ZNF425: variants seen among roughly 807,000 people sequenced by gnomAD.
ZNF425 encodes zinc finger protein 425.
ZNF425 carries 21 observed loss-of-function variants against 17.0 expected under a neutral mutation model. That is an observed-to-expected ratio of 1.23 (90% CI 0.88 to 1.78). ZNF425 has a LOEUF of 1.78. Ranked by LOEUF, ZNF425 falls within the 40% of genes most tolerant of loss-of-function variation. ZNF425 has a pLI of 0.00. For missense variants in ZNF425, 868 were observed against 967.3 expected (o/e 0.90, Z 1.36); for synonymous variants, 433 against 384.1 (o/e 1.13, Z -1.49).
At chr7:149,114,511 C>T (rs1243999804) in intron 2 of ZNF425, among the ~76,000 whole-genome samples, 1 of 151,802 alleles carries the variant, frequency 6.6e-6, no homozygotes, top group Non-Finnish European at 1.5e-5. Context: ...AATTCTCCTG[C>T]CTCAGCCTCC....
chr7:149,119,904 G>A (rs1447598714), intron 1 of ZNF425, among the ~76,000 whole-genome samples: 3 of 152,164 alleles, frequency 2.0e-5, no homozygotes, highest in African/African-American at 7.2e-5. Flanking sequence ...ACAAGAAGAT[G>A]TGCACGGGGT....
At chr7:149,107,818 A>T (rs1015004230) in intron 3 of ZNF425, among the ~76,000 whole-genome samples, 4 of 150,386 alleles carry the variant, frequency 2.7e-5, no homozygotes, top group Non-Finnish European at 4.4e-5. Flanking sequence ...GTCGAACTGG[A>T]TAATGGAACT....
At chr7:149,117,002 C>T (rs190221778) in intron 2 of ZNF425, among the ~76,000 whole-genome samples, 74 of 152,240 alleles carry the variant, frequency 4.9e-4, no homozygotes, top group African/African-American at 1.7e-3. Context: ...GTGGCTCATG[C>T]CTGTAATCCC....
At chr7:149,115,402 C>G (rs1826248539) in intron 2 of ZNF425, among the ~76,000 whole-genome samples, 1 of 151,412 alleles carries the variant, frequency 6.6e-6, no homozygotes, top group South Asian at 2.1e-4. Flanking sequence ...GCTTGTAATC[C>G]CAGTACTTTG....
chr7:149,123,742 G>C (rs933211074), intron 1 of ZNF425, among the ~76,000 whole-genome samples: 10 of 151,744 alleles, frequency 6.6e-5, no homozygotes, highest in Non-Finnish European at 1.2e-4. Flanking sequence ...ATGTTGGCCA[G>C]GCTGGTCTGG....
chr7:149,112,685 A>G (rs150690624), intron 2 of ZNF425, among the ~76,000 whole-genome samples: 2,607 of 152,224 alleles, frequency 0.017, 80 homozygotes, highest in African/African-American at 0.06. Context: ...TTTATTTTTG[A>G]GACAGGGTCT....
intron 1 of ZNF425, among the ~76,000 whole-genome samples, chr7:149,122,192 A>G (rs567609334): frequency 4.3e-4 from 64 of 150,212 alleles, no homozygotes; most frequent in African/African-American, 1.5e-3. Context: ...TCGGCCTCCC[A>G]AAGTGCTGGG....
In ZNF425 at chr7:149,111,590, T is replaced by TAAAAAAAAAAAA. The variant is rs60783786; in HGVS notation, c.304+535_304+546dup. 6.1e-4 allele frequency among the ~76,000 whole-genome samples: 33 copies of TAAAAAAAAAAAA among 54,382 alleles called. 1 individual carries two copies. The highest frequency in any genetic ancestry group is 1.0e-3 in the African/African-American group (16 of 15,324). 35.7% of individuals were successfully genotyped at this position (54,382 alleles called of 152,430 possible). Reference sequence around the variant, plus strand: ...CTGGGTGACAGAGCAAGACTCTGTCTAAAAAAAAAAAAAAAAAAAAAAAAA... The same window carrying TAAAAAAAAAAAA: ...CTGGGTGACAGAGCAAGACTCTGTCTAAAAAAAAAAAAAAAAAAAAAAAAAAAAAAAAAAAAA... On this transcript the variant is annotated intron_variant, in intron 3 of 3. Coordinates refer to ENST00000378061, the MANE Select transcript of ZNF425 (RefSeq NM_001001661.3).
intron 1 of ZNF425, among the ~76,000 whole-genome samples, chr7:149,120,594 T>C (rs1352366666): frequency 6.6e-6 from 1 of 152,212 alleles, no homozygotes; most frequent in African/African-American, 2.4e-5. Flanking sequence ...TGGACGTTTA[T>C]GTTTAGATAC....
Position 149,104,778 on chromosome 7 carries a change from G to A in ZNF425, c.1093C>T (p.Arg365Trp), listed in dbSNP as rs951430510. Residue 365 changes from arginine (R) to tryptophan (W), a missense_variant, in exon 4 of 4, where the codon CGG (arginine) becomes TGG (tryptophan). Around this residue, in one of 5 missense-constraint regions of ZNF425, gnomAD observed 243 missense variants for 265.2 expected, o/e 0.92. Coordinates refer to ENST00000378061, the MANE Select transcript of ZNF425 (RefSeq NM_001001661.3). This position sits in a 1 kb window ranked among gnomAD's most constrained non-coding sequence, Gnocchi z 4.3. ...AGGGCAGCCTTCCGGGAGAAGCTCC[G>A]GCCACACTCGGGACAGTGGAAGGGC... ...KRPFHCPECGRSFSRKAALKT... is the reference protein window; with the variant it reads ...KRPFHCPECGWSFSRKAALKT... The A allele has an allele frequency of 1.9e-6, 3 of 1,612,952 alleles. No individual in the cohort carries two copies. The highest frequency in any genetic ancestry group is 2.2e-5 in the East Asian group (1 of 44,858).
chr7:149,120,933 A>G (rs1459757117), intron 1 of ZNF425, among the ~76,000 whole-genome samples: 1 of 152,186 alleles, frequency 6.6e-6, no homozygotes. Flanking sequence ...ATGGACAATC[A>G]TGTACAGGAT....
rs1585480314 is a variant in ZNF425, at chr7:149,104,364, A to C, written c.1507T>G (p.Cys503Gly). 1 of 1,611,470 alleles carries C rather than the reference A, an allele frequency of 6.2e-7. No individual in the cohort carries two copies. The highest frequency in any genetic ancestry group is 8.5e-7 in the Non-Finnish European group (1 of 1,178,878). Reference sequence around the variant, plus strand: ...GACTGCTGAGAAAAGGTCTTTTTGCACTCGCCGCAGGGAAACTCCTTCTGC... The same window carrying C: ...GACTGCTGAGAAAAGGTCTTTTTGCCCTCGCCGCAGGGAAACTCCTTCTGC... Reference protein sequence around the residue: ...DRQKEFPCGECKKTFSQQSRL... With the variant: ...DRQKEFPCGEGKKTFSQQSRL... Residue 503 changes from cysteine to glycine, a missense_variant, in exon 4 of 4, where the codon TGC becomes GGC. This residue lies in a region of ZNF425 where 437 missense variants were observed against 444.2 expected (regional missense o/e 0.98). Coordinates refer to ENST00000378061, the MANE Select transcript of ZNF425 (RefSeq NM_001001661.3). This position sits in a 1 kb window ranked among gnomAD's most constrained non-coding sequence, Gnocchi z 4.3.
At chr7:149,122,080 T>C (rs1331025950) in intron 1 of ZNF425, among the ~76,000 whole-genome samples, 2 of 116,264 alleles carry the variant, frequency 1.7e-5, no homozygotes, top group Admixed American at 8.0e-5. Flanking sequence ...CACCGCCGGC[T>C]TTTTTTTTTT....
rs1477895744 is a variant in ZNF425, at chr7:149,105,332, C to G, written c.539G>C (p.Arg180Pro). 6.2e-7 allele frequency: 1 copy of G among 1,614,108 alleles called. No homozygotes were observed. The highest frequency in any genetic ancestry group is 1.3e-5 in the African/African-American group (1 of 75,048). ...TCTTGGCCCTGTGGGAATTTCTAAGCGCCCTGGGGTCTCCCGAGGCTTATG... is the reference window on the plus strand; with the variant it reads ...TCTTGGCCCTGTGGGAATTTCTAAGGGCCCTGGGGTCTCCCGAGGCTTATG... Reference protein sequence around the residue: ...LRHKPRETPGRLEIPTGPRCY... With the variant: ...LRHKPRETPGPLEIPTGPRCY... The change falls in exon 4 of 4, where the codon CGC becomes CCC. Residue 180 changes from arginine to proline, a missense_variant. Around this residue, in one of 5 missense-constraint regions of ZNF425, gnomAD observed 179 missense variants for 216.3 expected, o/e 0.83. Coordinates refer to ENST00000378061, the MANE Select transcript of ZNF425 (RefSeq NM_001001661.3).
chr7:149,106,102 C>T (rs1443868543), intron 3 of ZNF425, among the ~76,000 whole-genome samples: 1 of 151,272 alleles, frequency 6.6e-6, no homozygotes, highest in Non-Finnish European at 1.5e-5. Context: ...TTACAGGCAC[C>T]CACCACCACG....
rs1826470401 is a variant in ZNF425 at position 149,126,303 on chromosome 7, A to G, written c.-90T>C. On this transcript the variant is annotated 5_prime_UTR_variant, in exon 1 of 4. Coordinates refer to ENST00000378061, the MANE Select transcript of ZNF425 (RefSeq NM_001001661.3). ...CCCAGGTACAGCCCTGCTGGCCCCC[A>G]AAGGCAGAGCCGGCCGGGCGCGGTG... is the stretch of plus-strand genomic sequence containing the variant. 1.7e-5 allele frequency: 26 copies of G among 1,520,886 alleles called. No homozygotes were observed. Among genetic ancestry groups the G allele is most frequent in the Non-Finnish European group, 2.3e-5 (26 of 1,133,308 alleles). The allele number at this position is 1,520,886 out of a possible 1,614,324, so 94.2% of individuals were successfully genotyped here.
chr7:149,111,255 A>C (rs186327318), intron 3 of ZNF425, among the ~76,000 whole-genome samples: 6,717 of 150,192 alleles, frequency 0.045, 509 homozygotes, highest in African/African-American at 0.15. Context: ...TTGAGACCAG[A>C]CTGGCCAATA....
intron 1 of ZNF425, 34 bp from the exon 2 acceptor site, chr7:149,118,382 A>G (rs1214018460): frequency 4.3e-6 from 7 of 1,610,386 alleles, no homozygotes; most frequent in Non-Finnish European, 5.9e-6. Flanking sequence ...ATACATTTTT[A>G]CTTTACGGCT....
chr7:149,103,821 G>T lies in ZNF425; in HGVS notation c.2050C>A (p.His684Asn). 1 of 1,614,058 alleles carries T rather than the reference G, an allele frequency of 6.2e-7. No individual in the cohort carries two copies. The highest frequency in any genetic ancestry group is 8.5e-7 in the Non-Finnish European group (1 of 1,180,006). Residue 684 changes from histidine to asparagine, a missense_variant, in exon 4 of 4, where the codon CAC becomes AAC. Physicochemically the swap from His to Asn is moderately conservative, Grantham distance 68. Transcript: ENST00000378061. ...SYCIRGSLKV[H>N]LYKHSGERPF... ...CTCTCTCCACTGTGCTTATACAAGT[G>T]GACCTTCAAGCTGCCCCTGATGCAG...
Sources: gnomAD v4.1 joint callset for allele counts (sites outside exome capture counted in the v4.1 genomes callset) on GRCh38, gnomAD v4.1.1 for gene constraint, gnomAD v4.1.1 regional missense constraint, Gnocchi (gnomAD v3.1) non-coding constraint, MANE v1.5 for transcripts, NCBI Gene and HGNC (gene_info 2026-07-23, HGNC 2026-07-21) for gene names.